The following NRG3 variants were observed in gnomAD, a reference collection of about 807,000 sequenced individuals.
NRG3 encodes the protein pro-neuregulin-3, membrane-bound isoform.
A neutral mutation model predicts 66.9 loss-of-function variants in NRG3; 31 were observed. That is an observed-to-expected ratio of 0.46 (90% CI 0.35 to 0.63). The LOEUF is 0.63. NRG3 is among the 20% of genes least tolerant of loss of function. The pLI, the probability that NRG3 is intolerant of heterozygous loss-of-function variation, is 0.00. For missense variants in NRG3, 910 were observed against 878.9 expected (o/e 1.04, Z -0.45); for synonymous variants, 393 against 359.4 (o/e 1.09, Z -1.06).
chr10:82,636,814 C>CTG (rs370092362), intron 2 of NRG3, among the ~76,000 whole-genome samples: 5,928 of 150,130 alleles, frequency 0.039, 171 homozygotes, highest in African/African-American at 0.086. Flanking sequence ...CTCTTGTGGG[C>CTG]TGTGTGTGTG....
Position 82,641,279 on chromosome 10 carries a change from G to A in NRG3, c.954-97298G>A, listed in dbSNP as rs928993124. 4.6e-5 allele frequency among the ~76,000 whole-genome samples: 7 copies of A among 151,936 alleles called. No homozygotes were observed. The East Asian group carries it at 9.6e-4, about 21-fold the overall frequency. On this transcript the variant is annotated intron_variant, in intron 2 of 8. Transcript: ENST00000372141. ...TTGTGAATATTTTAGAAACTTTTTT[G>A]TCAGTTTTCTAAGCTTATATTTGTG...
intron 1 of NRG3, among the ~76,000 whole-genome samples, chr10:82,172,323 G>A (rs1420856785): frequency 1.3e-5 from 2 of 152,062 alleles, no homozygotes; most frequent in Non-Finnish European, 2.9e-5. Flanking sequence ...GAATGTGAAT[G>A]TTTTCTGACA....
chr10:82,657,195 T>C (rs891041885), intron 2 of NRG3, among the ~76,000 whole-genome samples: 3 of 152,160 alleles, frequency 2.0e-5, no homozygotes, highest in Non-Finnish European at 4.4e-5. Context: ...TCACATTCTA[T>C]ATAATATAGC....
intron 2 of NRG3, among the ~76,000 whole-genome samples, chr10:82,361,181 A>G (rs1030736302): frequency 6.6e-6 from 1 of 152,234 alleles, no homozygotes; most frequent in African/African-American, 2.4e-5. Flanking sequence ...TAACACACAT[A>G]AGCAGATATA....
intron 1 of NRG3, among the ~76,000 whole-genome samples, chr10:82,262,840 A>G (rs541276479): frequency 6.6e-6 from 1 of 152,218 alleles, no homozygotes; most frequent in Non-Finnish European, 1.5e-5. Flanking sequence ...ATATGTAAAT[A>G]GAGGCTCAGA....
intron 2 of NRG3, among the ~76,000 whole-genome samples, chr10:82,703,044 C>T (rs1017402574): frequency 4.9e-5 from 6 of 123,008 alleles, no homozygotes; most frequent in African/African-American, 1.6e-4. Context: ...CCCTTCCTTC[C>T]TTCTTTTGTC....
intron 1 of NRG3, among the ~76,000 whole-genome samples, chr10:82,327,155 A>G (rs2081914637): frequency 6.6e-6 from 1 of 152,318 alleles, no homozygotes; most frequent in African/African-American, 2.4e-5. Context: ...GTATTTGATT[A>G]TTTGGATCCT....
At chr10:82,672,487 A>G (rs1373646571) in intron 2 of NRG3, among the ~76,000 whole-genome samples, 1 of 152,212 alleles carries the variant, frequency 6.6e-6, no homozygotes, top group Non-Finnish European at 1.5e-5. Flanking sequence ...TCAGGGGCTA[A>G]TGTCAATGTG....
At chr10:82,457,267 C>T (rs1333867269) in intron 2 of NRG3, among the ~76,000 whole-genome samples, 1 of 152,106 alleles carries the variant, frequency 6.6e-6, no homozygotes, top group Non-Finnish European at 1.5e-5. Flanking sequence ...TTTCCACAGA[C>T]AGGTGGTAGG....
intron 1 of NRG3, among the ~76,000 whole-genome samples, chr10:82,213,721 T>C (rs1048549882): frequency 3.3e-5 from 5 of 152,228 alleles, no homozygotes; most frequent in African/African-American, 1.2e-4. Flanking sequence ...GTTTAATGAA[T>C]GAATGAGCAA....
intron 1 of NRG3, among the ~76,000 whole-genome samples, chr10:82,087,261 T>C (rs4933827): frequency 0.99 from 150,862 of 152,122 alleles, 74,811 homozygotes; most frequent in East Asian, 1. Flanking sequence ...AAAATGGTTC[T>C]CAGAGACACT....
intron 1 of NRG3, among the ~76,000 whole-genome samples, chr10:81,967,544 G>T (rs142689071): frequency 6.6e-6 from 1 of 152,000 alleles, no homozygotes; most frequent in African/African-American, 2.4e-5. Context: ...ATTATTAATT[G>T]CATTAAATAT....
intron 1 of NRG3, among the ~76,000 whole-genome samples, chr10:82,215,969 T>A (rs1487631657): frequency 6.4e-5 from 7 of 109,646 alleles, no homozygotes; most frequent in Non-Finnish European, 1.1e-4. Context: ...TTTCCTTTTT[T>A]TTTTTTTTTT....
At chr10:82,408,633 TTATATATA>T (rs147352245) in intron 2 of NRG3, among the ~76,000 whole-genome samples, 1 of 122,798 alleles carries the variant, frequency 8.1e-6, no homozygotes, top group African/African-American at 2.8e-5. Flanking sequence ...CATATATATA[TTATATATA>T]TATATATATT....
At chr10:82,015,950 A>G (rs2061768907) in intron 1 of NRG3, among the ~76,000 whole-genome samples, 2 of 151,274 alleles carry the variant, frequency 1.3e-5, no homozygotes. Flanking sequence ...TAACATTATC[A>G]TCATTTTCAT....
chr10:81,938,180 T>G (rs1461990661), intron 1 of NRG3, among the ~76,000 whole-genome samples: 4 of 152,148 alleles, frequency 2.6e-5, no homozygotes, highest in Non-Finnish European at 5.9e-5. Context: ...GCTTGCAGCT[T>G]TGCTTTTCTT....
chr10:82,889,222 A>C (rs904709163), intron 4 of NRG3, among the ~76,000 whole-genome samples: 1 of 152,108 alleles, frequency 6.6e-6, no homozygotes, highest in African/African-American at 2.4e-5. Flanking sequence ...ACCTGAACAA[A>C]GATTTCAGCC....
chr10:82,280,121 A>G (rs1458319127), intron 1 of NRG3, among the ~76,000 whole-genome samples: 1 of 152,132 alleles, frequency 6.6e-6, no homozygotes, highest in African/African-American at 2.4e-5. Flanking sequence ...GGGAAGTGGG[A>G]TAGTAGGGGT....
chr10:82,490,152 C>G (rs1842977771), intron 2 of NRG3, among the ~76,000 whole-genome samples: 1 of 152,134 alleles, frequency 6.6e-6, no homozygotes, highest in Non-Finnish European at 1.5e-5. Context: ...ACCCAAACTC[C>G]CACACCAGCA....
Sources: gnomAD v4.1 joint callset for allele counts (sites outside exome capture counted in the v4.1 genomes callset) on GRCh38, gnomAD v4.1.1 for gene constraint, MANE v1.5 for transcripts, NCBI Gene and HGNC (gene_info 2026-07-23, HGNC 2026-07-21) for gene names.